The following NFIA variants were observed in gnomAD, a reference collection of about 807,000 sequenced individuals.
NFIA encodes the protein nuclear factor I A, also known as nuclear factor 1 A-type.
Under a neutral mutation model 62.8 loss-of-function variants are expected in NFIA, and 8 were observed. The observed-to-expected ratio is 0.13, with a 90% CI of 0.07 to 0.23. NFIA has a LOEUF of 0.23. Ranked by LOEUF, NFIA falls within the 10% of genes least tolerant of loss-of-function variation. NFIA has a pLI of 1.00. For missense variants in NFIA, 410 were observed against 642.1 expected (o/e 0.64, Z 3.91); for synonymous variants, 235 against 238.1 (o/e 0.99, Z 0.12).
intron 2 of NFIA, among the ~76,000 whole-genome samples, chr1:61,186,261 G>A (rs558294093): frequency 5.9e-5 from 9 of 152,244 alleles, no homozygotes; most frequent in Non-Finnish European, 1.3e-4. Context: ...TGTATGAACT[G>A]CCGCAGGTGG....
chr1:61,387,467 T>C (rs1051139917), intron 7 of NFIA, among the ~76,000 whole-genome samples: 3 of 111,554 alleles, frequency 2.7e-5, no homozygotes, highest in Non-Finnish European at 5.3e-5. Context: ...TCAAGCACTT[T>C]CTTTTTTTTT....
rs528303382 is a variant in NFIA at position 61,400,167 on chromosome 1, G to T, written c.1076-3937G>T. Among the ~76,000 whole-genome samples the T allele has an allele frequency of 1.1e-4, 16 of 152,304 alleles. 1 individual carries two copies. The highest frequency in any genetic ancestry group is 7.7e-4 in the East Asian group (4 of 5,184). On this transcript the variant is annotated intron_variant, in intron 7 of 10. Coordinates refer to ENST00000403491, the MANE Select transcript of NFIA (RefSeq NM_001134673.4). ...TAATATGATCATTTTGTAATAAATA[G>T]CTGAGTATTACACCCTTTGGGAAAT... is the stretch of plus-strand genomic sequence containing the variant.
At chr1:61,267,699 G>A (rs550008567) in intron 2 of NFIA, among the ~76,000 whole-genome samples, 2 of 152,268 alleles carry the variant, frequency 1.3e-5, no homozygotes, top group Admixed American at 1.3e-4. Context: ...TACATTTAGT[G>A]GTATTGATTG....
At chr1:61,382,774 T>C in intron 6 of NFIA, among the ~76,000 whole-genome samples, 1 of 152,220 alleles carries the variant, frequency 6.6e-6, no homozygotes, top group Non-Finnish European at 1.5e-5. Flanking sequence ...GTTGCCATTG[T>C]TGAGGGTATT....
At chr1:61,261,469 T>A (rs527631841) in intron 2 of NFIA, among the ~76,000 whole-genome samples, 3 of 152,344 alleles carry the variant, frequency 2.0e-5, no homozygotes, top group African/African-American at 7.2e-5. Context: ...ACGTTAAGTG[T>A]TCTGAGCACA....
intron 2 of NFIA, among the ~76,000 whole-genome samples, chr1:61,165,595 T>C (rs1649515771): frequency 6.6e-6 from 1 of 152,250 alleles, no homozygotes; most frequent in African/African-American, 2.4e-5. Context: ...TTTCTGCAGC[T>C]TAACTGCTGA....
Position 61,457,469 on chromosome 1 carries a change from A to T in NFIA, c.*2149A>T, listed in dbSNP as rs1304531733. 6.6e-6 allele frequency: 1 copy of T among 152,154 alleles called. No individual in the cohort carries two copies. The highest frequency in any genetic ancestry group is 6.5e-5 in the Admixed American group (1 of 15,268). The allele number at this position is 152,154 out of a possible 1,614,324, so 9.4% of individuals were successfully genotyped here. On this transcript the variant is annotated 3_prime_UTR_variant, in exon 11 of 11. Coordinates refer to ENST00000403491, the MANE Select transcript of NFIA (RefSeq NM_001134673.4). This position sits in a 1 kb window ranked among gnomAD's most constrained non-coding sequence, Gnocchi z 4.2. The stretch of plus-strand genomic sequence containing the variant: ...TTTATTGTCCTGTACGGTCGGTGGC[A>T]GTGCTATTCTGAGATCTGTAGATGC...
At chr1:61,082,021 G>C (rs776625949), upstream of NFIA, 1 of 1,549,466 alleles carries the variant, frequency 6.5e-7, no homozygotes, top group South Asian at 1.2e-5. Flanking sequence ...GGGCAACCTG[G>C]CAAAGTTGCC....
At chr1:61,260,612 G>T (rs1335866362) in intron 2 of NFIA, among the ~76,000 whole-genome samples, 2 of 152,044 alleles carry the variant, frequency 1.3e-5, no homozygotes, top group Non-Finnish European at 1.5e-5. Flanking sequence ...ACGGAGTCTC[G>T]CTCTGTCGCC....
At chr1:61,310,440 GCT>G (rs1234409066) in intron 3 of NFIA, among the ~76,000 whole-genome samples, 2 of 152,140 alleles carry the variant, frequency 1.3e-5, no homozygotes, top group Non-Finnish European at 2.9e-5. Flanking sequence ...ACAAGTAGAG[GCT>G]CTCCCTCGCT....
intron 10 of NFIA, among the ~76,000 whole-genome samples, chr1:61,448,256 T>C (rs2100584604): frequency 6.6e-6 from 1 of 152,352 alleles, no homozygotes; most frequent in Admixed American, 6.5e-5. Context: ...CAATTCCTTT[T>C]GTGTTGTGGG....
chr1:61,457,034 G>C lies in NFIA; in HGVS notation c.*1714G>C, dbSNP rs1668340106. The C allele has an allele frequency of 6.6e-6, 1 of 152,056 alleles. No individual in the cohort carries two copies. The highest frequency in any genetic ancestry group is 1.5e-5 in the Non-Finnish European group (1 of 68,012). The allele number at this position is 152,056 out of a possible 1,614,324, so 9.4% of individuals were successfully genotyped here. A position where few individuals can be genotyped will look rare whatever the true frequency, so the allele number is the denominator to read the frequency against. The stretch of plus-strand genomic sequence containing the variant: ...AACTAATTTTTATATAGTTAATGTA[G>C]GATAAAGTAGAGTGCATTAAGACAC... On this transcript the variant is annotated 3_prime_UTR_variant, in exon 11 of 11. Transcript: ENST00000403491. This position sits in a 1 kb window ranked among gnomAD's most constrained non-coding sequence, Gnocchi z 4.2.
chr1:61,177,891 A>G (rs1035917448), intron 2 of NFIA, among the ~76,000 whole-genome samples: 1 of 152,168 alleles, frequency 6.6e-6, no homozygotes, highest in Admixed American at 6.5e-5. Flanking sequence ...TTGCAAATCA[A>G]CCTTGGGAAG....
At chr1:61,234,218 T>G (rs1208617069) in intron 2 of NFIA, among the ~76,000 whole-genome samples, 1 of 151,866 alleles carries the variant, frequency 6.6e-6, no homozygotes, top group Non-Finnish European at 1.5e-5. Flanking sequence ...AAATACAAAA[T>G]TAGCCTGGAG....
intron 3 of NFIA, among the ~76,000 whole-genome samples, chr1:61,316,335 A>G (rs1660365071): frequency 6.6e-6 from 1 of 152,210 alleles, no homozygotes; most frequent in Non-Finnish European, 1.5e-5. Flanking sequence ...TACAGAGAAT[A>G]TAAGTCAGAC....
chr1:61,410,208 G>A (rs1030016450), intron 9 of NFIA, among the ~76,000 whole-genome samples: 4 of 152,094 alleles, frequency 2.6e-5, no homozygotes, highest in Admixed American at 6.5e-5. Context: ...TGGGCCTCCA[G>A]GTAAAGGTAT....
intron 3 of NFIA, among the ~76,000 whole-genome samples, chr1:61,314,225 C>G (rs974305341): frequency 1.3e-5 from 2 of 152,130 alleles, no homozygotes; most frequent in African/African-American, 2.4e-5. Flanking sequence ...CCTCTGTGCC[C>G]TCAGAGCCTG....
At chr1:61,338,490 A>G (rs1344007193) in intron 4 of NFIA, among the ~76,000 whole-genome samples, 6 of 152,240 alleles carry the variant, frequency 3.9e-5, no homozygotes. Context: ...GTTCATTTCT[A>G]AAGTTCTTTT....
intron 8 of NFIA, 142 bp from the exon 9 acceptor site, chr1:61,406,420 T>C (rs1178513918): frequency 2.7e-6 from 2 of 735,800 alleles, no homozygotes; most frequent in African/African-American, 1.7e-5. Context: ...TATGGGCTTA[T>C]GGAAGAATTG....
Sources: gnomAD v4.1 joint callset for allele counts (sites outside exome capture counted in the v4.1 genomes callset) on GRCh38, gnomAD v4.1.1 for gene constraint, Gnocchi (gnomAD v3.1) non-coding constraint, MANE v1.5 for transcripts, NCBI Gene and HGNC (gene_info 2026-07-23, HGNC 2026-07-21) for gene names.